The following SCAMP1 variants were observed in gnomAD, a reference collection of about 807,000 sequenced individuals.
SCAMP1 encodes secretory carrier-associated membrane protein 1.
SCAMP1 carries 15 observed loss-of-function variants against 41.8 expected under a neutral mutation model. The observed-to-expected ratio is 0.36, with a 90% CI of 0.24 to 0.55. SCAMP1 has a LOEUF of 0.55. Ranked by LOEUF, SCAMP1 falls within the 20% of genes least tolerant of loss-of-function variation. The pLI, the probability that SCAMP1 is intolerant of heterozygous loss-of-function variation, is 0.86. For synonymous variants in SCAMP1, 135 were observed against 136.8 expected (o/e 0.99, Z 0.09); for missense variants, 341 against 412.6 (o/e 0.83, Z 1.50).
At chr5:78,438,145 A>T (rs573119582) in intron 6 of SCAMP1, among the ~76,000 whole-genome samples, 131 of 152,042 alleles carry the variant, frequency 8.6e-4, no homozygotes, top group Non-Finnish European at 1.5e-3. Flanking sequence ...TCAATTTTGT[A>T]GATCTTTTCA....
intron 6 of SCAMP1, among the ~76,000 whole-genome samples, chr5:78,435,086 T>C (rs1195006979): frequency 6.6e-6 from 1 of 152,194 alleles, no homozygotes; most frequent in Non-Finnish European, 1.5e-5. Context: ...GGATGAAACA[T>C]GTTTACTTAT....
chr5:78,430,576 G>A (rs951954332), intron 6 of SCAMP1, among the ~76,000 whole-genome samples: 5 of 151,680 alleles, frequency 3.3e-5, no homozygotes, highest in African/African-American at 1.2e-4. Context: ...ACTACAAGAA[G>A]AACCTAGTGC....
At position 78,367,148 on chromosome 5, in the gene SCAMP1, A is replaced by G. The variant is rs1750818780; in HGVS notation, c.57+6420A>G. On this transcript the variant is annotated intron_variant, in intron 1 of 8. Coordinates refer to ENST00000621999, the MANE Select transcript of SCAMP1 (RefSeq NM_004866.6). ...ATTCCTGCTCATTTTTCCTCATGTT[A>G]ATGTTTTTAAAAAGCACATATTGAG... 2.0e-5 allele frequency among the ~76,000 whole-genome samples: 3 copies of G among 152,234 alleles called. No individual in the cohort carries two copies. The South Asian group carries it at 6.2e-4, about 32-fold the overall frequency.
intron 1 of SCAMP1, among the ~76,000 whole-genome samples, chr5:78,373,142 TACTC>T (rs1160642313): frequency 2.6e-5 from 4 of 152,154 alleles, no homozygotes; most frequent in African/African-American, 9.7e-5. Context: ...AAATTTCACT[TACTC>T]CTTCTTCTTA....
rs550282335 is a variant in SCAMP1, at chr5:78,421,203, A to T, written c.473-598A>T. On this transcript the variant is annotated intron_variant, in intron 5 of 8. Transcript: ENST00000621999. ...AGAAAAGCCTGCCACAGTAGCTAAA[A>T]TGTATCATGTTGTGTGGGGGAGTGA... 1.2e-4 allele frequency among the ~76,000 whole-genome samples: 19 copies of T among 152,302 alleles called. No homozygotes were observed. The East Asian group carries it at 1.7e-3, about 14-fold the overall frequency.
chr5:78,443,653 CTTTTTTTT>C (rs71613955), intron 6 of SCAMP1, among the ~76,000 whole-genome samples: 6 of 71,964 alleles, frequency 8.3e-5, no homozygotes, highest in African/African-American at 2.3e-4. Flanking sequence ...AGTGGTTTTG[CTTTTTTTT>C]TTTTTTTTTT....
intron 2 of SCAMP1, among the ~76,000 whole-genome samples, chr5:78,392,216 T>G (rs1226380423): frequency 6.6e-6 from 1 of 152,234 alleles, no homozygotes; most frequent in Non-Finnish European, 1.5e-5. Flanking sequence ...CATCAAGCTG[T>G]CTACTTTGTG....
intron 6 of SCAMP1, among the ~76,000 whole-genome samples, chr5:78,428,707 G>C (rs1389305095): frequency 1.3e-5 from 2 of 152,050 alleles, no homozygotes; most frequent in Non-Finnish European, 2.9e-5. Context: ...AAGCCAGTTT[G>C]GGGAGAATTA....
At chr5:78,469,430 A>T (rs1247321098) in intron 8 of SCAMP1, among the ~76,000 whole-genome samples, 1 of 151,606 alleles carries the variant, frequency 6.6e-6, no homozygotes, top group African/African-American at 2.4e-5. Flanking sequence ...TCTTGAGCAG[A>T]TTGTTTATAT....
chr5:78,389,076 A>AT (rs1338643606), intron 2 of SCAMP1, among the ~76,000 whole-genome samples, 162 bp downstream of exon 2: 19 of 152,232 alleles, frequency 1.2e-4, no homozygotes, highest in African/African-American at 4.6e-4. Flanking sequence ...ATGTAGAAAT[A>AT]TTAGTAGTAA....
At chr5:78,404,329 T>TA (rs1314443578) in intron 2 of SCAMP1, among the ~76,000 whole-genome samples, 2 of 152,038 alleles carry the variant, frequency 1.3e-5, no homozygotes, top group Non-Finnish European at 2.9e-5. Context: ...TTTATTTTTT[T>TA]AGAGACGGGG....
At chr5:78,449,587 T>G (rs1753164893) in intron 6 of SCAMP1, among the ~76,000 whole-genome samples, 1 of 152,220 alleles carries the variant, frequency 6.6e-6, no homozygotes, top group Non-Finnish European at 1.5e-5. Context: ...TTTTAAATAT[T>G]TGCAATTCAT....
chr5:78,411,211 C>T (rs535215091), intron 2 of SCAMP1, among the ~76,000 whole-genome samples: 8 of 152,054 alleles, frequency 5.3e-5, no homozygotes, highest in East Asian at 1.9e-4. Context: ...AATCTTTGCC[C>T]GTGCCTACAC....
At chr5:78,391,285 A>G (rs1418276233) in intron 2 of SCAMP1, among the ~76,000 whole-genome samples, 6 of 147,210 alleles carry the variant, frequency 4.1e-5, no homozygotes, top group African/African-American at 5.0e-5. Flanking sequence ...CGGGGGGCTG[A>G]CCCCCCCACC....
At chr5:78,410,972 C>T (rs1752061307) in intron 2 of SCAMP1, among the ~76,000 whole-genome samples, 1 of 151,936 alleles carries the variant, frequency 6.6e-6, no homozygotes, top group Non-Finnish European at 1.5e-5. Flanking sequence ...ATGTCCTTTG[C>T]CTGCTTTTTA....
chr5:78,378,978 G>C (rs376562332), intron 1 of SCAMP1, among the ~76,000 whole-genome samples: 1 of 152,180 alleles, frequency 6.6e-6, no homozygotes. Context: ...ACCGCAATGC[G>C]TGCTGAAGTT....
At chr5:78,441,847 T>C (rs1047740098) in intron 6 of SCAMP1, among the ~76,000 whole-genome samples, 38 of 151,790 alleles carry the variant, frequency 2.5e-4, no homozygotes, top group Admixed American at 4.6e-4. Context: ...AGCAAAAAGG[T>C]GACTGGGTGT....
At chr5:78,435,024 G>A (rs1318948779) in intron 6 of SCAMP1, among the ~76,000 whole-genome samples, 1 of 152,186 alleles carries the variant, frequency 6.6e-6, no homozygotes, top group Non-Finnish European at 1.5e-5. Flanking sequence ...CAGTAGGTAT[G>A]TCAGAAACAT....
Position 78,479,826 on chromosome 5 carries a change from A to T in SCAMP1, c.*4158A>T, listed in dbSNP as rs1447373459. Among the ~76,000 whole-genome samples, 1 of 152,080 alleles carries T rather than the reference A, an allele frequency of 6.6e-6. No homozygotes were observed. The highest frequency in any genetic ancestry group is 1.5e-5 in the Non-Finnish European group (1 of 68,010). On this transcript the variant is annotated 3_prime_UTR_variant, in exon 9 of 9. Coordinates refer to ENST00000621999, the MANE Select transcript of SCAMP1 (RefSeq NM_004866.6). ...GGGAGGCCAAGGTGGGCGGATCACGAGGTCAGGAGATCGAAACCATCCTGG... is the reference window on the plus strand; with the variant it reads ...GGGAGGCCAAGGTGGGCGGATCACGTGGTCAGGAGATCGAAACCATCCTGG...
Sources: gnomAD v4.1 joint callset for allele counts (sites outside exome capture counted in the v4.1 genomes callset) on GRCh38, gnomAD v4.1.1 for gene constraint, MANE v1.5 for transcripts, NCBI Gene and HGNC (gene_info 2026-07-23, HGNC 2026-07-21) for gene names.